The following PTPRD variants were observed in gnomAD, a reference collection of about 807,000 sequenced individuals.
PTPRD encodes the protein receptor-type tyrosine-protein phosphatase delta.
A neutral mutation model predicts 214.5 loss-of-function variants in PTPRD; 34 were observed. The observed-to-expected ratio is 0.16, with a 90% CI of 0.12 to 0.21. PTPRD has a LOEUF of 0.21. PTPRD is among the 10% of genes least tolerant of loss of function. The pLI is 1.00. For synonymous variants in PTPRD, 1,128 were observed against 845.7 expected (o/e 1.33, Z -5.79); for missense variants, 2,545 against 2,398.7 (o/e 1.06, Z -1.27).
chr9:8,388,144 C>CT (rs1343785014), intron 37 of PTPRD, among the ~76,000 whole-genome samples: 1 of 150,724 alleles, frequency 6.6e-6, no homozygotes, highest in Non-Finnish European at 1.5e-5. Context: ...ACAGTTGTGG[C>CT]TTTTTAATAT....
intron 12 of PTPRD, among the ~76,000 whole-genome samples, chr9:8,720,941 T>G (rs2098487383): frequency 2.0e-5 from 3 of 152,100 alleles, no homozygotes; most frequent in South Asian, 4.1e-4. Flanking sequence ...CTGTTCTGCC[T>G]CTTCTCTGGA....
chr9:8,923,889 T>C (rs770902322), intron 11 of PTPRD, among the ~76,000 whole-genome samples: 5 of 152,178 alleles, frequency 3.3e-5, no homozygotes, highest in Non-Finnish European at 7.3e-5. Context: ...GAGCAAAGCA[T>C]TGTAAAAATT....
chr9:9,146,205 G>T (rs528455007), intron 10 of PTPRD, among the ~76,000 whole-genome samples: 3 of 152,020 alleles, frequency 2.0e-5, no homozygotes, highest in Non-Finnish European at 4.4e-5. Flanking sequence ...TTGTTTATTC[G>T]TTAGTACCTG....
chr9:10,228,226 A>C (rs142716761), intron 3 of PTPRD, among the ~76,000 whole-genome samples: 1 of 152,048 alleles, frequency 6.6e-6, no homozygotes, highest in African/African-American at 2.4e-5. Context: ...AAATGACTGT[A>C]CAAGTAATGG....
intron 14 of PTPRD, among the ~76,000 whole-genome samples, chr9:8,620,075 T>A (rs1360438089): frequency 6.6e-6 from 1 of 152,002 alleles, no homozygotes; most frequent in Non-Finnish European, 1.5e-5. Flanking sequence ...GCTAAGAATC[T>A]ATCAGAACCT....
rs183556213 is a variant in PTPRD, at chr9:9,435,872, T to C, written c.-236-38390A>G. On this transcript the variant is annotated intron_variant, in intron 8 of 45. Coordinates refer to ENST00000381196, the MANE Select transcript of PTPRD (RefSeq NM_002839.4). ...TTAATTACCAGCAAAAGATTTAATA[T>C]TGTTGAAAAGCAAAGTAATGGAAAT... 1.3e-5 allele frequency among the ~76,000 whole-genome samples: 2 copies of C among 152,328 alleles called. 1 individual carries two copies. Among genetic ancestry groups the C allele is most frequent in the Admixed American group, 1.3e-4 (2 of 15,302 alleles).
At chr9:9,421,733 A>AG (rs2078877431) in intron 8 of PTPRD, among the ~76,000 whole-genome samples, 1 of 152,076 alleles carries the variant, frequency 6.6e-6, no homozygotes, top group Non-Finnish European at 1.5e-5. Flanking sequence ...AGTCAGCTGT[A>AG]CCCTTATTGA....
intron 9 of PTPRD, among the ~76,000 whole-genome samples, chr9:9,262,063 G>A (rs1445083265): frequency 1.3e-5 from 2 of 151,570 alleles, no homozygotes; most frequent in Non-Finnish European, 3.0e-5. Context: ...ATGAGGAAAA[G>A]GAATATTAAC....
chr9:8,475,650 C>A (rs552802471), intron 30 of PTPRD, among the ~76,000 whole-genome samples: 3 of 152,118 alleles, frequency 2.0e-5, no homozygotes, highest in African/African-American at 7.2e-5. Context: ...TCAAAATAAA[C>A]CCTCCCTAAC....
At chr9:9,292,155 C>G (rs950665934) in intron 9 of PTPRD, among the ~76,000 whole-genome samples, 1 of 146,988 alleles carries the variant, frequency 6.8e-6, no homozygotes, top group African/African-American at 2.5e-5. Context: ...GTTTCATTCT[C>G]CTTAGATACT....
chr9:9,643,431 G>A (rs191158422), intron 7 of PTPRD, among the ~76,000 whole-genome samples: 18 of 152,162 alleles, frequency 1.2e-4, no homozygotes, highest in Non-Finnish European at 1.5e-4. Context: ...TAGAAAAACA[G>A]CTTTTTCATC....
At chr9:8,652,466 G>A (rs767489741) in intron 12 of PTPRD, among the ~76,000 whole-genome samples, 1 of 152,170 alleles carries the variant, frequency 6.6e-6, no homozygotes. Context: ...GCTATCCTTA[G>A]AACACATTTG....
At chr9:10,193,894 C>G (rs2099385377) in intron 3 of PTPRD, among the ~76,000 whole-genome samples, 1 of 152,086 alleles carries the variant, frequency 6.6e-6, no homozygotes, top group African/African-American at 2.4e-5. Context: ...CATAGAATCA[C>G]ATGCTTTGTT....
chr9:9,968,913 G>A (rs1201687923), intron 4 of PTPRD, among the ~76,000 whole-genome samples: 1 of 152,158 alleles, frequency 6.6e-6, no homozygotes, highest in Non-Finnish European at 1.5e-5. Context: ...TCTTCATTGA[G>A]CAACTACTAC....
At chr9:9,746,221 A>G (rs1259474452) in intron 6 of PTPRD, among the ~76,000 whole-genome samples, 1 of 152,186 alleles carries the variant, frequency 6.6e-6, no homozygotes, top group African/African-American at 2.4e-5. Flanking sequence ...TAAGCTAAGC[A>G]CATATAAAAT....
At chr9:9,559,160 C>T (rs955470473) in intron 8 of PTPRD, among the ~76,000 whole-genome samples, 30 of 152,154 alleles carry the variant, frequency 2.0e-4, no homozygotes, top group Admixed American at 1.4e-3. Context: ...CTAACTGCTT[C>T]CCAGTCTGGG....
chr9:9,324,639 G>A (rs564060638), intron 9 of PTPRD, among the ~76,000 whole-genome samples: 2 of 152,232 alleles, frequency 1.3e-5, no homozygotes, highest in Admixed American at 6.5e-5. Flanking sequence ...CATTCTGTAG[G>A]TTGCCTGTTC....
At chr9:10,421,005 T>A (rs190480079) in intron 2 of PTPRD, among the ~76,000 whole-genome samples, 2 of 151,940 alleles carry the variant, frequency 1.3e-5, no homozygotes, top group African/African-American at 2.4e-5. Flanking sequence ...CTGGGCCACA[T>A]TGGAAGACAA....
intron 11 of PTPRD, chr9:8,797,276 A>C (rs1407170452): frequency 1.3e-5 from 2 of 152,208 alleles, no homozygotes; most frequent in African/African-American, 4.8e-5. Context: ...TGGCCAAGAG[A>C]TTTACTCCTA....
Sources: gnomAD v4.1 joint callset for allele counts (sites outside exome capture counted in the v4.1 genomes callset) on GRCh38, gnomAD v4.1.1 for gene constraint, MANE v1.5 for transcripts, NCBI Gene and HGNC (gene_info 2026-07-23, HGNC 2026-07-21) for gene names.